ATP13A5: variants seen among roughly 807,000 people sequenced by gnomAD.
ATP13A5 encodes probable cation-transporting ATPase 13A5.
In ATP13A5, 149 loss-of-function variants were observed where a neutral mutation model predicts 150.2. That is an observed-to-expected ratio of 0.99 (90% confidence interval 0.87 to 1.14). The LOEUF is 1.14. Ranked by LOEUF, ATP13A5 falls within the 50% of genes most tolerant of loss-of-function variation. The pLI is 0.00. For synonymous variants in ATP13A5, 497 were observed against 522.2 expected, an observed-to-expected ratio of 0.95 and a Z score of 0.66; for missense variants, 1,383 against 1,449.3, an observed-to-expected ratio of 0.95 and a Z score of 0.74.
At chr3:193,318,174 C>A (rs1473517920) in intron 17 of ATP13A5, among the ~76,000 whole-genome samples, 1 of 152,158 alleles carries the variant, frequency 6.6e-6, no homozygotes, top group Admixed American at 6.6e-5. Context: ...ACTGTGTTTA[C>A]TAATTAACTT....
chr3:193,378,575 G>T, intron 1 of ATP13A5, 88 bp downstream of exon 1: 2 of 1,186,160 alleles, frequency 1.7e-6, no homozygotes, highest in Non-Finnish European at 2.5e-6. Flanking sequence ...AAGCATAAAT[G>T]CTACACTCTA....
intron 9 of ATP13A5, among the ~76,000 whole-genome samples, chr3:193,338,649 G>A (rs1241508314): frequency 2.0e-5 from 3 of 152,084 alleles, no homozygotes; most frequent in African/African-American, 7.2e-5. Context: ...ATTTTATTGA[G>A]GATTTTTGCA....
chr3:193,335,051 G>A lies in ATP13A5; in HGVS notation c.992C>T (p.Thr331Ile). 6.2e-7 allele frequency: 1 copy of A among 1,613,970 alleles called. No individual in the cohort carries two copies. Residue 331 changes from threonine (T) to isoleucine (I), a missense_variant, in exon 10 of 30, where the codon ACT becomes ATT. By Grantham distance (89) the Thr-to-Ile change is moderately conservative. Around this residue, in one of 3 missense-constraint regions of ATP13A5, gnomAD observed 787 missense variants for 771.9 expected, o/e 1.02. Transcript: ENST00000342358. ...TKTPLPQMEN[T>I]MPWKCHSLED... is the part of the protein sequence containing the mutation. ...CAAACTGTGACATTTCCAAGGCATA[G>A]TGTTCTCCATCTGGGGCAATGGTGT...
intron 26 of ATP13A5, 136 bp downstream of exon 26, chr3:193,289,749 C>T: frequency 1.4e-6 from 1 of 733,668 alleles, no homozygotes; most frequent in South Asian, 2.1e-5. Context: ...TGTGTTCTGT[C>T]CCATCATTTG....
intron 8 of ATP13A5, 142 bp from the exon 9 acceptor site, chr3:193,344,197 G>A: frequency 9.3e-7 from 1 of 1,075,566 alleles, no homozygotes; most frequent in South Asian, 1.7e-5. Context: ...TTAGTCAATT[G>A]AAAATTCCGA....
chr3:193,368,596 G>A (rs939463433), intron 1 of ATP13A5, among the ~76,000 whole-genome samples: 4 of 152,040 alleles, frequency 2.6e-5, no homozygotes. Flanking sequence ...AACAAACAGA[G>A]CAACAAAACA....
rs990587861 is a variant in ATP13A5 at position 193,282,398 on chromosome 3, G to A, written c.3226+2516C>T. Among the ~76,000 whole-genome samples, 7 of 150,148 alleles carry A rather than the reference G, an allele frequency of 4.7e-5. No individual in the cohort carries two copies. In the East Asian group the frequency reaches 7.8e-4, roughly 17 times the overall value. Reference sequence around the variant, plus strand: ...ATTAGTTTCTTTTTTTTTTTGAGACGGAGTCTCGCTCTGTTGCCAAGGCTG... The same window carrying A: ...ATTAGTTTCTTTTTTTTTTTGAGACAGAGTCTCGCTCTGTTGCCAAGGCTG... On this transcript the variant is annotated intron_variant, in intron 27 of 29. Transcript: ENST00000342358.
chr3:193,375,337 A>T (rs1186250831), intron 1 of ATP13A5, among the ~76,000 whole-genome samples: 1 of 152,228 alleles, frequency 6.6e-6, no homozygotes, highest in African/African-American at 2.4e-5. Context: ...GCCTGAAGCC[A>T]AATCCCATTC....
chr3:193,326,857 G>T, intron 13 of ATP13A5, 139 bp downstream of exon 13: 1 of 718,536 alleles, frequency 1.4e-6, no homozygotes, highest in Non-Finnish European at 2.4e-6. Context: ...AAGCAAGTTA[G>T]AATAATTAGG....
At chr3:193,348,608 T>G (rs1265871047) in intron 7 of ATP13A5, among the ~76,000 whole-genome samples, 1 of 152,202 alleles carries the variant, frequency 6.6e-6, no homozygotes. Flanking sequence ...TTGTGTAGCA[T>G]GATTTGGGGC....
In ATP13A5 at chr3:193,315,111, G is replaced by GA. The variant is rs1719001116; in HGVS notation, c.2034-16dup. ...CCACTTTTTCTCTTTGTATTCAGGA[G>GA]AAAATCAATATTAAAGTATATCTAC... On this transcript the variant is annotated splice_polypyrimidine_tract_variant and intron_variant, in intron 17 of 29. Transcript: ENST00000342358. 10 of 1,609,402 alleles carry GA rather than the reference G, an allele frequency of 6.2e-6. 1 individual carries two copies. The highest frequency in any genetic ancestry group is 1.7e-4 in the Middle Eastern group (1 of 6,056).
At position 193,331,790 on chromosome 3, in the gene ATP13A5, A is replaced by AATAC. The variant is rs746554405; in HGVS notation, c.1273-480_1273-479insGTAT. Among the ~76,000 whole-genome samples the AATAC allele has an allele frequency of 8.3e-4, 127 of 152,324 alleles. 1 individual carries two copies. The highest frequency in any genetic ancestry group is 1.6e-4 in the Non-Finnish European group (11 of 68,024). On this transcript the variant is annotated intron_variant, in intron 11 of 29. Transcript: ENST00000342358. Reference sequence around the variant, plus strand: ...CTAACTCTGGAGCAGGAACTGTATTAGGCTACGTATATTATTTAGTTGCTC... The same window carrying AATAC: ...CTAACTCTGGAGCAGGAACTGTATTAATACGGCTACGTATATTATTTAGTTGCTC...
intron 28 of ATP13A5, among the ~76,000 whole-genome samples, chr3:193,277,123 CTATG>C (rs1394785223): frequency 6.6e-6 from 1 of 152,118 alleles, no homozygotes; most frequent in Non-Finnish European, 1.5e-5. Flanking sequence ...ATTTTGGAGG[CTATG>C]TGTCTGTCTC....
At chr3:193,371,608 G>T (rs1345320438) in intron 1 of ATP13A5, among the ~76,000 whole-genome samples, 6 of 152,122 alleles carry the variant, frequency 3.9e-5, no homozygotes, top group Non-Finnish European at 8.8e-5. Context: ...CTTAAGATGG[G>T]GGGCCCCCAT....
At chr3:193,372,288 CAAAAAAAAAAAA>C (rs749907136) in intron 1 of ATP13A5, 143 of 41,514 alleles carry the variant, frequency 3.4e-3, no homozygotes, top group African/African-American at 0.014. Context: ...GACTCCACCT[CAAAAAAAAAAAA>C]AAAAAAAAAA....
chr3:193,358,856 G>A (rs1033511513), intron 5 of ATP13A5, among the ~76,000 whole-genome samples: 5 of 152,284 alleles, frequency 3.3e-5, no homozygotes, highest in Admixed American at 3.3e-4. Flanking sequence ...GGGGTACAAA[G>A]AAACCGAGTG....
At chr3:193,363,176 A>G in intron 3 of ATP13A5, 60 bp downstream of exon 3, 1 of 1,526,592 alleles carries the variant, frequency 6.6e-7, no homozygotes, top group South Asian at 1.3e-5. Context: ...CATTTAATAA[A>G]CAGTTATTTT....
At chr3:193,332,668 A>G (rs1577354777) in intron 11 of ATP13A5, among the ~76,000 whole-genome samples, 2 of 152,088 alleles carry the variant, frequency 1.3e-5, no homozygotes, top group African/African-American at 4.8e-5. Context: ...TCTTTTCCCA[A>G]CCACAGACAC....
At chr3:193,318,900 C>T in intron 17 of ATP13A5, 91 bp downstream of exon 17, 1 of 873,064 alleles carries the variant, frequency 1.1e-6, no homozygotes, top group Non-Finnish European at 1.9e-6. Flanking sequence ...GAGAGCCTTC[C>T]AGGTGATTAG....
Sources: allele counts gnomAD v4.1 joint callset (sites outside exome capture counted in the v4.1 genomes callset), GRCh38; gene constraint gnomAD v4.1.1; regional missense constraint gnomAD v4.1.1; transcripts MANE v1.5; gene names NCBI Gene and HGNC (gene_info 2026-07-23, HGNC 2026-07-21).